The following ARIH2 variants were observed in gnomAD, a reference collection of about 807,000 sequenced individuals.
ARIH2 encodes ariadne RBR E3 ubiquitin protein ligase 2.
A neutral mutation model predicts 79.8 loss-of-function variants in ARIH2; 12 were observed. That is an observed-to-expected ratio of 0.15 (90% CI 0.10 to 0.24). ARIH2 has a LOEUF of 0.24. ARIH2 is among the 10% of genes least tolerant of loss of function. ARIH2 has a pLI of 1.00. For synonymous variants in ARIH2, 224 were observed against 213.9 expected, an observed-to-expected ratio of 1.05 and a Z score of -0.41; for missense variants, 301 against 618.3, an observed-to-expected ratio of 0.49 and a Z score of 5.44.
chr3:48,979,132 T>C (rs1056702447), intron 11 of ARIH2, among the ~76,000 whole-genome samples: 3 of 152,200 alleles, frequency 2.0e-5, no homozygotes, highest in Non-Finnish European at 4.4e-5. Context: ...GACAGTCAGG[T>C]CGGCCTCAGT....
chr3:48,935,526 G>C (rs2086984021), intron 3 of ARIH2, among the ~76,000 whole-genome samples: 1 of 152,190 alleles, frequency 6.6e-6, no homozygotes, highest in African/African-American at 2.4e-5. Flanking sequence ...TTTTATGTCT[G>C]TTGGGCCTTG....
Position 48,984,516 on chromosome 3 carries a change from A to G in ARIH2, c.*1246A>G, listed in dbSNP as rs1289606575. On this transcript the variant is annotated 3_prime_UTR_variant, in exon 16 of 16. Coordinates refer to ENST00000356401, the MANE Select transcript of ARIH2 (RefSeq NM_006321.4). ...GTACTAAGGAGGGTCTGGCCAGAGG[A>G]ACAGACCAGCTTTTGCACAATGAAG... 6.6e-6 allele frequency: 1 copy of G among 152,340 alleles called. No individual in the cohort carries two copies. The highest frequency in any genetic ancestry group is 2.4e-5 in the African/African-American group (1 of 41,420). 9.4% of individuals were successfully genotyped at this position (152,340 alleles called of 1,614,324 possible).
At position 48,977,490 on chromosome 3, in the gene ARIH2, C is replaced by T. The variant is rs1241381316; in HGVS notation, c.962-1992C>T. Reference sequence around the variant, plus strand: ...CCAGCTAATTTTTGACAGAGTCTCACTCTGTCGCCTGGGCTAGAGTGCAGT... The same window carrying T: ...CCAGCTAATTTTTGACAGAGTCTCATTCTGTCGCCTGGGCTAGAGTGCAGT... On this transcript the variant is annotated intron_variant, in intron 11 of 15. Transcript: ENST00000356401. Among the ~76,000 whole-genome samples the T allele has an allele frequency of 8.0e-5, 12 of 150,370 alleles. No homozygotes were observed. In the South Asian group the frequency reaches 2.3e-3, roughly 29 times the overall value.
intron 3 of ARIH2, among the ~76,000 whole-genome samples, chr3:48,930,446 A>G (rs907794783): frequency 3.3e-5 from 5 of 152,062 alleles, no homozygotes; most frequent in African/African-American, 9.7e-5. Context: ...TGCCCCCACT[A>G]TACTCCAGCT....
At chr3:48,973,910 A>G (rs767756994) in intron 9 of ARIH2, 94 bp downstream of exon 9, 77 of 967,904 alleles carry the variant, frequency 8.0e-5, no homozygotes, top group South Asian at 6.2e-4. Flanking sequence ...CAGAATACCC[A>G]GAGCCCCAGG....
chr3:48,951,253 T>C (rs564461270), intron 3 of ARIH2, among the ~76,000 whole-genome samples: 3 of 152,164 alleles, frequency 2.0e-5, no homozygotes, highest in African/African-American at 4.8e-5. Flanking sequence ...CGTGAGCCAG[T>C]GTACCAGGCC....
chr3:48,938,046 C>CA (rs5848862), intron 3 of ARIH2, among the ~76,000 whole-genome samples: 5,620 of 105,818 alleles, frequency 0.053, 338 homozygotes, highest in African/African-American at 0.12. Flanking sequence ...GACTCCGTCT[C>CA]AAAAAAAAAA....
chr3:48,939,882 T>C (rs978550084), intron 3 of ARIH2, among the ~76,000 whole-genome samples: 1 of 152,080 alleles, frequency 6.6e-6, no homozygotes, highest in Non-Finnish European at 1.5e-5. Context: ...CACATTGTTA[T>C]GCAACCATCA....
At position 48,918,894 on chromosome 3, in the gene ARIH2, C is replaced by T. The variant is rs761926279; in HGVS notation, c.-266C>T. The T allele has an allele frequency of 9.4e-6, 15 of 1,601,794 alleles. No homozygotes were observed. The South Asian group carries it at 1.0e-4, about 11-fold the overall frequency. The stretch of plus-strand genomic sequence containing the variant: ...GAAGCAGCGCGGGCTTGACCGGCGT[C>T]GGCCCGCCGCCTCCGCTGCCGCTTC... On this transcript the variant is annotated 5_prime_UTR_variant, in exon 1 of 16. Coordinates refer to ENST00000356401, the MANE Select transcript of ARIH2 (RefSeq NM_006321.4).
chr3:48,919,048 G>A (rs983775946), intron 1 of ARIH2, 50 bp downstream of exon 1: 1 of 1,330,390 alleles, frequency 7.5e-7, no homozygotes, highest in Non-Finnish European at 9.6e-7. Flanking sequence ...CTGGCCGCTG[G>A]GGGGGCCTCT....
chr3:48,981,735 C>A lies in ARIH2; in HGVS notation c.1326+7C>A. On this transcript the variant is annotated splice_region_variant and intron_variant, in intron 14 of 15. Transcript: ENST00000356401. ...CGGACCCAGGAAGAAGCTGGTAAGG[C>A]AAAGCAATTTTTCTACTCTGTCCCG... is the stretch of plus-strand genomic sequence containing the variant. The A allele has an allele frequency of 6.2e-7, 1 of 1,611,670 alleles. No homozygotes were observed. Among genetic ancestry groups the A allele is most frequent in the Non-Finnish European group, 8.5e-7 (1 of 1,177,952 alleles).
chr3:48,975,059 C>G (rs1290351768), intron 11 of ARIH2, 80 bp downstream of exon 11: 1 of 1,611,644 alleles, frequency 6.2e-7, no homozygotes, highest in Non-Finnish European at 8.5e-7. Context: ...GTGAGTACTT[C>G]TGCCATGAAA....
chr3:48,944,125 C>T (rs953229001), intron 3 of ARIH2, among the ~76,000 whole-genome samples: 1 of 152,100 alleles, frequency 6.6e-6, no homozygotes, highest in African/African-American at 2.4e-5. Flanking sequence ...AAAAAGTTTC[C>T]ATTAAATGCA....
At chr3:48,975,621 G>T in intron 11 of ARIH2, among the ~76,000 whole-genome samples, 1 of 151,596 alleles carries the variant, frequency 6.6e-6, no homozygotes, top group Non-Finnish European at 1.5e-5. Flanking sequence ...CTGGAGTGCA[G>T]TGGCGCAGTC....
At chr3:48,982,554 A>T (rs940024719) in intron 14 of ARIH2, among the ~76,000 whole-genome samples, 2 of 152,218 alleles carry the variant, frequency 1.3e-5, no homozygotes, top group Admixed American at 1.3e-4. Context: ...ATGAAGTGAT[A>T]GTGTCTGAGA....
At chr3:48,969,826 A>G (rs1439205814) in intron 7 of ARIH2, among the ~76,000 whole-genome samples, 1 of 151,696 alleles carries the variant, frequency 6.6e-6, no homozygotes, top group Non-Finnish European at 1.5e-5. Context: ...GCCGCAGGAT[A>G]AACAGAAGGC....
chr3:48,925,892 G>A (rs1157308669), intron 2 of ARIH2, among the ~76,000 whole-genome samples: 7 of 151,846 alleles, frequency 4.6e-5, no homozygotes, highest in Non-Finnish European at 8.8e-5. Flanking sequence ...GCTAATTTTT[G>A]TATTTTTAGT....
chr3:48,968,261 G>A, intron 6 of ARIH2: 1 of 222,946 alleles, frequency 4.5e-6, no homozygotes, highest in Non-Finnish European at 9.0e-6. Context: ...AGGCTGGAGT[G>A]CAGTGGCGGG....
chr3:48,941,490 G>T (rs757256724), intron 3 of ARIH2, among the ~76,000 whole-genome samples: 8 of 152,148 alleles, frequency 5.3e-5, no homozygotes, highest in African/African-American at 1.2e-4. Flanking sequence ...TGGATAGGAA[G>T]ACCTGGTGGT....
Sources: allele counts gnomAD v4.1 joint callset (sites outside exome capture counted in the v4.1 genomes callset), GRCh38; gene constraint gnomAD v4.1.1; transcripts MANE v1.5; gene names NCBI Gene and HGNC (gene_info 2026-07-23, HGNC 2026-07-21).